The following POFUT3 variants were observed in gnomAD, a reference collection of about 807,000 sequenced individuals.
POFUT3 encodes protein O-fucosyltransferase 3.
the POFUT3 span, among the ~76,000 whole-genome samples, chr8:33,363,586 A>T: frequency 3.3e-5 from 5 of 152,186 alleles, no homozygotes; most frequent in Non-Finnish European, 5.9e-5. Flanking sequence ...GATAAAGGGG[A>T]TATCACCACC....
At chr8:33,407,317 C>A in the POFUT3 span, among the ~76,000 whole-genome samples, 9 of 152,156 alleles carry the variant, frequency 5.9e-5, no homozygotes, top group Non-Finnish European at 1.2e-4. Context: ...TCTAATTCAG[C>A]TGAAAAACTG....
At chr8:33,400,130 T>TAAAAAA in the POFUT3 span, among the ~76,000 whole-genome samples, 1 of 114,916 alleles carries the variant, frequency 8.7e-6, no homozygotes, top group Non-Finnish European at 1.8e-5. Context: ...TTAAGTTCAT[T>TAAAAAA]AAAAAAAAAA....
the POFUT3 span, among the ~76,000 whole-genome samples, chr8:33,469,656 C>T: frequency 6.6e-6 from 1 of 152,084 alleles, no homozygotes; most frequent in Non-Finnish European, 1.5e-5. Context: ...TTAAATTATG[C>T]AGTGTTAATA....
chr8:33,421,758 C>A, the POFUT3 span, among the ~76,000 whole-genome samples: 248 of 152,246 alleles, frequency 1.6e-3, no homozygotes, highest in Admixed American at 4.8e-3. Context: ...CTGAAGTATT[C>A]TTTTAAGCAT....
the POFUT3 span, among the ~76,000 whole-genome samples, chr8:33,467,962 G>A: frequency 6.6e-6 from 1 of 152,116 alleles, no homozygotes; most frequent in African/African-American, 2.4e-5. Flanking sequence ...TTGTGAGGCT[G>A]GGTGCGGTGG....
the POFUT3 span, among the ~76,000 whole-genome samples, chr8:33,430,400 C>T: frequency 6.6e-6 from 1 of 152,070 alleles, no homozygotes; most frequent in Non-Finnish European, 1.5e-5. Flanking sequence ...TTTGCCTTTG[C>T]TTCAAACTAT....
At chr8:33,421,538 A>AATGG in the POFUT3 span, among the ~76,000 whole-genome samples, 1 of 152,080 alleles carries the variant, frequency 6.6e-6, no homozygotes, top group Non-Finnish European at 1.5e-5. Context: ...GATCTTGATT[A>AATGG]ATGGGGAAAT....
the POFUT3 span, among the ~76,000 whole-genome samples, chr8:33,333,206 G>C: frequency 2.0e-5 from 3 of 152,220 alleles, no homozygotes; most frequent in Non-Finnish European, 4.4e-5. Context: ...AAGTGAGGAA[G>C]GGACTTAAGC....
chr8:33,318,836 ATT>A, the POFUT3 span, among the ~76,000 whole-genome samples: 82 of 52,744 alleles, frequency 1.6e-3, 17 homozygotes, highest in African/African-American at 6.0e-3. Flanking sequence ...TTTTATATAT[ATT>A]TATATAATAT....
chr8:33,361,258 C>T, the POFUT3 span: 1 of 152,304 alleles, frequency 6.6e-6, no homozygotes, highest in South Asian at 2.1e-4. Flanking sequence ...TCCCCCAAGT[C>T]AGTTCTTAAA....
At chr8:33,309,351 T>TTG in the POFUT3 span, among the ~76,000 whole-genome samples, 1,014 of 142,526 alleles carry the variant, frequency 7.1e-3, 7 homozygotes, top group Admixed American at 8.5e-3. Flanking sequence ...CTTAAAGGTA[T>TTG]TGTGTGTGTG....
the POFUT3 span, among the ~76,000 whole-genome samples, chr8:33,415,217 A>C: frequency 6.6e-6 from 1 of 152,166 alleles, no homozygotes; most frequent in Non-Finnish European, 1.5e-5. Flanking sequence ...AGCCAAGATC[A>C]CGTCACTACA....
the POFUT3 span, among the ~76,000 whole-genome samples, chr8:33,399,892 G>A: frequency 6.6e-6 from 1 of 151,812 alleles, no homozygotes; most frequent in African/African-American, 2.4e-5. Flanking sequence ...GACCTCAGGC[G>A]ATCCGCCCAT....
the POFUT3 span, among the ~76,000 whole-genome samples, chr8:33,310,325 T>C: frequency 1.3e-5 from 2 of 152,332 alleles, no homozygotes; most frequent in South Asian, 2.1e-4. Context: ...GGATTTGATA[T>C]ACAATTTCCT....
the POFUT3 span, among the ~76,000 whole-genome samples, chr8:33,333,492 T>C: frequency 2.0e-5 from 3 of 151,294 alleles, no homozygotes; most frequent in Non-Finnish European, 3.0e-5. Context: ...ATGCAAAGAG[T>C]GGGGAATCAT....
chr8:33,396,003 C>A, the POFUT3 span, among the ~76,000 whole-genome samples: 11 of 152,180 alleles, frequency 7.2e-5, no homozygotes, highest in Admixed American at 5.9e-4. Context: ...TGTAGCAGAG[C>A]AAGCATTAGC....
chr8:33,417,266 AC>A, the POFUT3 span, among the ~76,000 whole-genome samples: 1 of 152,232 alleles, frequency 6.6e-6, no homozygotes, highest in Non-Finnish European at 1.5e-5. Flanking sequence ...TTGCAGGAAA[AC>A]AAACTCAGGG....
At chr8:33,466,073 T>G in the POFUT3 span, among the ~76,000 whole-genome samples, 1 of 152,240 alleles carries the variant, frequency 6.6e-6, no homozygotes, top group South Asian at 2.1e-4. Context: ...AATCTCAACC[T>G]AGGCTATCTT....
chr8:33,411,740 A>T, the POFUT3 span, among the ~76,000 whole-genome samples: 13 of 152,224 alleles, frequency 8.5e-5, no homozygotes, highest in African/African-American at 3.1e-4. Flanking sequence ...GTGAGCCGAG[A>T]TGGTGCCATT....
Sources: allele counts gnomAD v4.1 joint callset (sites outside exome capture counted in the v4.1 genomes callset), GRCh38; gene constraint gnomAD v4.1.1; transcripts MANE v1.5; gene names NCBI Gene and HGNC (gene_info 2026-07-23, HGNC 2026-07-21).